The following PCNX2 variants were observed in gnomAD, a reference collection of about 807,000 sequenced individuals.
PCNX2 encodes pecanex 2, also known as pecanex-like protein 2.
PCNX2 carries 168 observed loss-of-function variants against 223.8 expected under a neutral mutation model. The ratio of observed to expected loss-of-function variants is 0.75; its 90% CI spans 0.66 to 0.85. The LOEUF is 0.85. Ranked by LOEUF, PCNX2 falls within the 40% of genes least tolerant of loss-of-function variation. The pLI is 0.00. For missense variants in PCNX2, 2,507 were observed against 2,675.5 expected, an observed-to-expected ratio of 0.94 and a Z score of 1.39; for synonymous variants, 1,006 against 1,052.6, an observed-to-expected ratio of 0.96 and a Z score of 0.86.
At chr1:233,226,176 T>C (rs1175165514) in intron 10 of PCNX2, among the ~76,000 whole-genome samples, 3 of 152,218 alleles carry the variant, frequency 2.0e-5, no homozygotes, top group South Asian at 4.1e-4. Flanking sequence ...ACTCAGCCCC[T>C]GAACATCATA....
At chr1:233,153,244 C>A (rs1448099695) in intron 19 of PCNX2, among the ~76,000 whole-genome samples, 2 of 152,160 alleles carry the variant, frequency 1.3e-5, no homozygotes, top group Non-Finnish European at 2.9e-5. Flanking sequence ...TCTCATGTGC[C>A]TCTTCTCAGG....
chr1:233,042,468 G>A (rs1671675237), intron 25 of PCNX2, among the ~76,000 whole-genome samples: 1 of 152,212 alleles, frequency 6.6e-6, no homozygotes, highest in Non-Finnish European at 1.5e-5. Context: ...GGATCCAGTA[G>A]TTGCTCAACT....
At chr1:233,137,643 A>G (rs939121005) in intron 20 of PCNX2, among the ~76,000 whole-genome samples, 12 of 152,216 alleles carry the variant, frequency 7.9e-5, no homozygotes, top group African/African-American at 2.9e-4. Flanking sequence ...TTAAAGTCAC[A>G]GTTTTCAAGA....
intron 1 of PCNX2, among the ~76,000 whole-genome samples, chr1:233,271,032 T>A (rs1322907377): frequency 6.6e-6 from 1 of 152,246 alleles, no homozygotes; most frequent in Admixed American, 6.5e-5. Flanking sequence ...TCAAGAAATT[T>A]GAACTCATGT....
intron 17 of PCNX2, chr1:233,167,655 C>T (rs1175861573): frequency 1.2e-6 from 1 of 806,250 alleles, no homozygotes; most frequent in African/African-American, 1.9e-5. Context: ...TCTATAGGTA[C>T]CTCATGACAT....
At chr1:233,032,236 G>A (rs1671295419) in intron 25 of PCNX2, among the ~76,000 whole-genome samples, 1 of 152,038 alleles carries the variant, frequency 6.6e-6, no homozygotes, top group Admixed American at 6.6e-5. Context: ...CCAAGTAGCT[G>A]GGATTGCAGG....
intron 15 of PCNX2, among the ~76,000 whole-genome samples, chr1:233,194,401 C>CA (rs1183779551): frequency 4.1e-4 from 62 of 152,088 alleles, no homozygotes; most frequent in African/African-American, 1.5e-3. Context: ...GAAAGTTCTT[C>CA]AGACAGGAGA....
intron 8 of PCNX2, among the ~76,000 whole-genome samples, chr1:233,240,140 C>T (rs1658667294): frequency 6.6e-6 from 1 of 152,108 alleles, no homozygotes; most frequent in Admixed American, 6.6e-5. Context: ...GGAGACGTTT[C>T]CCTTATGTGA....
intron 12 of PCNX2, among the ~76,000 whole-genome samples, chr1:233,213,581 A>G (rs1378954278): frequency 6.6e-6 from 1 of 152,164 alleles, no homozygotes; most frequent in Non-Finnish European, 1.5e-5. Flanking sequence ...TACTTACAAA[A>G]AATAATCTCC....
rs534592220 is a variant in PCNX2, at chr1:233,145,248, G to A, written c.3518-5393C>T. ...CCCAAAGTGTTGGGATTACAGCCAT[G>A]AGCCTCTGCACCTGGCCGGTGCTAT... On this transcript the variant is annotated intron_variant, in intron 19 of 33. Coordinates refer to ENST00000258229, the MANE Select transcript of PCNX2 (RefSeq NM_014801.4). Among the ~76,000 whole-genome samples the A allele has an allele frequency of 1.6e-3, 239 of 152,242 alleles. 1 individual carries two copies. The highest frequency in any genetic ancestry group is 2.5e-3 in the Non-Finnish European group (171 of 68,018).
At chr1:232,989,542 GC>G (rs1356433812) in intron 32 of PCNX2, among the ~76,000 whole-genome samples, 1 of 152,104 alleles carries the variant, frequency 6.6e-6, no homozygotes, top group East Asian at 1.9e-4. Context: ...ACTCTGAGAG[GC>G]CCCCAACCAC....
chr1:233,055,838 A>C (rs1381448197), intron 24 of PCNX2, among the ~76,000 whole-genome samples: 1 of 152,166 alleles, frequency 6.6e-6, no homozygotes, highest in East Asian at 1.9e-4. Context: ...CCTGCTTTGT[A>C]TCCATGGGAA....
chr1:233,325,928 A>G, the PCNX2 span, among the ~76,000 whole-genome samples: 1 of 152,206 alleles, frequency 6.6e-6, no homozygotes, highest in African/African-American at 2.4e-5. Context: ...CGTGAAAGGT[A>G]AAGTCAATCC....
At chr1:233,185,808 A>C (rs1680064626) in intron 15 of PCNX2, among the ~76,000 whole-genome samples, 1 of 152,264 alleles carries the variant, frequency 6.6e-6, no homozygotes, top group African/African-American at 2.4e-5. Flanking sequence ...CAAAATTAAC[A>C]TCTCTAATTG....
chr1:233,079,579 A>C (rs527564908), intron 23 of PCNX2, among the ~76,000 whole-genome samples: 201 of 152,256 alleles, frequency 1.3e-3, no homozygotes, highest in African/African-American at 4.5e-3. Context: ...CCTTTGATAA[A>C]AGCCATTACT....
intron 23 of PCNX2, among the ~76,000 whole-genome samples, chr1:233,066,309 A>G (rs954911802): frequency 1.3e-5 from 2 of 152,166 alleles, no homozygotes; most frequent in African/African-American, 4.8e-5. Context: ...TGTTCACTGG[A>G]CCATGGGAAA....
chr1:233,018,842 C>T, intron 26 of PCNX2: 1 of 985,450 alleles, frequency 1.0e-6, no homozygotes, highest in Non-Finnish European at 1.2e-6. Context: ...CTGTTAGAAA[C>T]AAACGCTTAA....
chr1:233,167,605 G>A (rs1477036509), intron 17 of PCNX2: 17 of 469,496 alleles, frequency 3.6e-5, no homozygotes, highest in Non-Finnish European at 4.7e-5. Flanking sequence ...GCGAGATGAT[G>A]GATATGTTAA....
intron 9 of PCNX2, among the ~76,000 whole-genome samples, chr1:233,233,995 C>T (rs182010396): frequency 6.6e-6 from 1 of 152,158 alleles, no homozygotes; most frequent in East Asian, 1.9e-4. Flanking sequence ...CTCTCTGATC[C>T]CCTATTTCCT....
Sources: allele counts gnomAD v4.1 joint callset (sites outside exome capture counted in the v4.1 genomes callset), GRCh38; gene constraint gnomAD v4.1.1; transcripts MANE v1.5; gene names NCBI Gene and HGNC (gene_info 2026-07-23, HGNC 2026-07-21).